Variants in DISC1 observed in about 807,000 individuals in gnomAD.
The protein encoded by DISC1 is DISC1 scaffold protein.
In DISC1, 57 loss-of-function variants were observed where a neutral mutation model predicts 84.5. The observed-to-expected ratio is 0.67, with a 90% CI of 0.55 to 0.84. The LOEUF (loss-of-function observed/expected upper bound fraction) is 0.84, where lower values mean the gene tolerates loss of function less well. Ranked by LOEUF, DISC1 falls within the 40% of genes least tolerant of loss-of-function variation. The probability of loss-of-function intolerance (pLI) is 0.00; values close to 1 mark genes in which losing one functional copy is unlikely to be tolerated. For synonymous variants in DISC1, 411 were observed against 415.2 expected, an observed-to-expected ratio of 0.99 and a Z score of 0.12; for missense variants, 1,000 against 1,057.8, an observed-to-expected ratio of 0.95 and a Z score of 0.76.
chr1:231,838,456 T>G (rs76945478), intron 9 of DISC1, among the ~76,000 whole-genome samples: 5,520 of 152,316 alleles, frequency 0.036, 127 homozygotes, highest in Admixed American at 0.063. Flanking sequence ...ACAGTTGTAA[T>G]AGCCCTGTGA....
At chr1:231,724,055 A>C (rs1248978897) in intron 3 of DISC1, 1 of 980,336 alleles carries the variant, frequency 1.0e-6, no homozygotes, top group East Asian at 1.1e-4. Context: ...ATTAAAAGTG[A>C]ATGTTGGTCT....
chr1:231,865,122 C>T (rs1177629398), intron 9 of DISC1, among the ~76,000 whole-genome samples: 4 of 152,164 alleles, frequency 2.6e-5, no homozygotes, highest in African/African-American at 9.7e-5. Flanking sequence ...CTCCATTTGC[C>T]GAGGTCCGAC....
intron 4 of DISC1, among the ~76,000 whole-genome samples, chr1:231,765,195 C>CAA (rs71179793): frequency 7.7e-4 from 72 of 93,244 alleles, no homozygotes; most frequent in African/African-American, 2.0e-3. Context: ...GTCCACCCTA[C>CAA]AAAAAAAAAA....
At chr1:231,914,392 G>A (rs1368410265) in intron 9 of DISC1, among the ~76,000 whole-genome samples, 1 of 152,138 alleles carries the variant, frequency 6.6e-6, no homozygotes, top group African/African-American at 2.4e-5. Flanking sequence ...AAGTACACGG[G>A]GTAGGATAAA....
At chr1:231,692,893 G>A (rs1267617988) in intron 1 of DISC1, among the ~76,000 whole-genome samples, 1 of 152,200 alleles carries the variant, frequency 6.6e-6, no homozygotes, top group Non-Finnish European at 1.5e-5. Flanking sequence ...TGAAATTAAT[G>A]TAAATTAAAA....
At chr1:231,798,646 C>T (rs2078957793) in intron 7 of DISC1, among the ~76,000 whole-genome samples, 1 of 152,124 alleles carries the variant, frequency 6.6e-6, no homozygotes, top group Non-Finnish European at 1.5e-5. Flanking sequence ...GGATATCTTC[C>T]TTTTAACTCT....
At chr1:231,974,083 C>G (rs1442791869) in intron 10 of DISC1, among the ~76,000 whole-genome samples, 1 of 152,076 alleles carries the variant, frequency 6.6e-6, no homozygotes, top group Non-Finnish European at 1.5e-5. Context: ...AAGTCACCAT[C>G]TCCAAAGCTC....
intron 11 of DISC1, among the ~76,000 whole-genome samples, chr1:232,011,197 G>T (rs935854980): frequency 2.0e-5 from 3 of 152,080 alleles, no homozygotes; most frequent in Admixed American, 2.0e-4. Context: ...TCACTATCTG[G>T]CTATAAGAAC....
At chr1:231,988,923 T>C (rs1443021459) in intron 10 of DISC1, among the ~76,000 whole-genome samples, 3 of 152,242 alleles carry the variant, frequency 2.0e-5, no homozygotes, top group Non-Finnish European at 4.4e-5. Context: ...CGAACAATGC[T>C]GACCCATACT....
chr1:231,654,067 A>G (rs1328370772), intron 1 of DISC1, among the ~76,000 whole-genome samples: 1 of 152,132 alleles, frequency 6.6e-6, no homozygotes, highest in Admixed American at 6.5e-5. Context: ...ATCTCTTCTC[A>G]GTTGGTCTCC....
rs78615789 is a variant in DISC1 at position 231,678,542 on chromosome 1, CT to C, written c.68-15280del. On this transcript the variant is annotated intron_variant, in intron 1 of 12. Coordinates refer to ENST00000439617, the MANE Select transcript of DISC1 (RefSeq NM_018662.3). Reference sequence around the variant, plus strand: ...CATGCATGGAAGATATTAGAATGAACTTTTCCCCAGATGAGAAAACAGGCAT... The same window carrying C: ...CATGCATGGAAGATATTAGAATGAACTTTCCCCAGATGAGAAAACAGGCAT... 3.4e-3 allele frequency among the ~76,000 whole-genome samples: 523 copies of C among 152,306 alleles called. 24 individuals carry two copies. In the East Asian group the frequency reaches 0.09, roughly 26 times the overall value.
In DISC1 at chr1:231,775,745, C is replaced by G. The variant is rs141084891; in HGVS notation, c.1634+4675C>G. Among the ~76,000 whole-genome samples, 472 of 152,278 alleles carry G rather than the reference C, an allele frequency of 3.1e-3. 2 individuals are homozygous for G. The highest frequency in any genetic ancestry group is 0.011 in the African/African-American group (448 of 41,558). On this transcript the variant is annotated intron_variant, in intron 6 of 12. Coordinates refer to ENST00000439617, the MANE Select transcript of DISC1 (RefSeq NM_018662.3). The stretch of plus-strand genomic sequence containing the variant: ...ATTTCTCTCATCCCTGGGATTTCAA[C>G]CCCCCTGCTTTAAAACAAGTGCCTT...
intron 9 of DISC1, among the ~76,000 whole-genome samples, chr1:231,957,891 T>TG (rs1462436474): frequency 6.6e-6 from 1 of 152,206 alleles, no homozygotes; most frequent in East Asian, 1.9e-4. Context: ...AGCATGAATC[T>TG]GGGCAGCCTG....
At chr1:231,699,802 C>A (rs1168226145) in intron 2 of DISC1, among the ~76,000 whole-genome samples, 2 of 152,234 alleles carry the variant, frequency 1.3e-5, no homozygotes, top group Non-Finnish European at 2.9e-5. Flanking sequence ...AAATGGTCTT[C>A]ATGTCTCTTC....
intron 9 of DISC1, among the ~76,000 whole-genome samples, chr1:231,832,110 G>T (rs926376842): frequency 6.6e-6 from 1 of 152,038 alleles, no homozygotes; most frequent in African/African-American, 2.4e-5. Flanking sequence ...GCCAGGAACA[G>T]TGGTAATTGT....
At position 231,800,103 on chromosome 1, in the gene DISC1, C is replaced by G. The variant is rs769961798; in HGVS notation, c.1690-5C>G. 1.1e-5 allele frequency: 17 copies of G among 1,604,146 alleles called. No homozygotes were observed. Among genetic ancestry groups the G allele is most frequent in the Admixed American group, 1.0e-4 (6 of 59,688 alleles). On this transcript the variant is annotated splice_polypyrimidine_tract_variant and splice_region_variant and intron_variant, in intron 7 of 12. Coordinates refer to ENST00000439617, the MANE Select transcript of DISC1 (RefSeq NM_018662.3). ...GATGATTCCTGGTCATTTCTCTCCCCCTAGGTGTGTATGAGTGAGAAATTC... is the reference window on the plus strand; with the variant it reads ...GATGATTCCTGGTCATTTCTCTCCCGCTAGGTGTGTATGAGTGAGAAATTC...
At chr1:231,761,657 A>G (rs1442715920) in intron 4 of DISC1, among the ~76,000 whole-genome samples, 4 of 152,198 alleles carry the variant, frequency 2.6e-5, no homozygotes, top group African/African-American at 7.2e-5. Flanking sequence ...ATTTCCTTCA[A>G]TGACTCTCAT....
chr1:231,947,535 A>T (rs1026025955), intron 9 of DISC1, among the ~76,000 whole-genome samples: 12 of 152,358 alleles, frequency 7.9e-5, no homozygotes, highest in Non-Finnish European at 1.6e-4. Context: ...ACCATTCAGG[A>T]CATAGGCGTG....
At chr1:231,934,602 AG>A (rs2090871507) in intron 9 of DISC1, among the ~76,000 whole-genome samples, 2 of 152,356 alleles carry the variant, frequency 1.3e-5, no homozygotes, top group Admixed American at 1.3e-4. Context: ...AATCCTTTGT[AG>A]TTGTAAGATA....
Sources: allele counts gnomAD v4.1 joint callset (sites outside exome capture counted in the v4.1 genomes callset), GRCh38; gene constraint gnomAD v4.1.1; transcripts MANE v1.5; gene names NCBI Gene and HGNC (gene_info 2026-07-23, HGNC 2026-07-21).